Variants in SPAG16 observed in about 807,000 individuals in gnomAD.
SPAG16 encodes the protein sperm-associated antigen 16 protein.
SPAG16 carries 86 observed loss-of-function variants against 80.4 expected under a neutral mutation model. The ratio of observed to expected loss-of-function variants is 1.07; its 90% CI spans 0.90 to 1.28. SPAG16 has a LOEUF of 1.28. Ranked by LOEUF, SPAG16 falls within the 50% of genes most tolerant of loss-of-function variation. The pLI is 0.00. For synonymous variants in SPAG16, 294 were observed against 265.9 expected, an observed-to-expected ratio of 1.11 and a Z score of -1.03; for missense variants, 870 against 765.3, an observed-to-expected ratio of 1.14 and a Z score of -1.61.
intron 10 of SPAG16, among the ~76,000 whole-genome samples, chr2:213,649,595 G>T (rs1478544506): frequency 6.6e-6 from 1 of 151,778 alleles, no homozygotes; most frequent in East Asian, 1.9e-4. Context: ...TATTTATTTT[G>T]AGACAGGATC....
At chr2:213,366,170 A>G (rs1248321616) in intron 8 of SPAG16, among the ~76,000 whole-genome samples, 2 of 151,598 alleles carry the variant, frequency 1.3e-5, no homozygotes, top group Admixed American at 6.6e-5. Context: ...GAAGAAAGAT[A>G]AAAGATTAAA....
chr2:213,521,472 C>T (rs1259279205), intron 10 of SPAG16, among the ~76,000 whole-genome samples: 1 of 152,188 alleles, frequency 6.6e-6, no homozygotes, highest in African/African-American at 2.4e-5. Flanking sequence ...AGCCTATCTC[C>T]CCTGAGAGCT....
At chr2:214,230,303 C>T (rs185214239) in intron 15 of SPAG16, among the ~76,000 whole-genome samples, 1 of 151,950 alleles carries the variant, frequency 6.6e-6, no homozygotes, top group East Asian at 1.9e-4. Context: ...GAAAAGAGGA[C>T]TTTCTAACCC....
chr2:213,882,260 A>C (rs145028499), intron 11 of SPAG16, among the ~76,000 whole-genome samples: 7 of 152,066 alleles, frequency 4.6e-5, no homozygotes, highest in Admixed American at 4.6e-4. Context: ...TTTTGTGTCT[A>C]TATTCATCAG....
At chr2:213,886,580 A>G (rs13392718) in intron 11 of SPAG16, among the ~76,000 whole-genome samples, 90,312 of 151,878 alleles carry the variant, frequency 0.59, 28,752 homozygotes, top group South Asian at 0.85. Context: ...ACAAATGATG[A>G]ATTGAGATGC....
rs1344514001 is a variant in SPAG16 at position 214,149,205 on chromosome 2, A to G, written c.1659A>G (p.Leu553=). The G allele has an allele frequency of 1.9e-6, 3 of 1,599,726 alleles. No homozygotes were observed. The African/African-American group carries it at 4.0e-5, about 21-fold the overall frequency. Residue 553 remains leucine, a synonymous_variant, in exon 15 of 16, where the codon TTA becomes TTG. Coordinates refer to ENST00000331683, the MANE Select transcript of SPAG16 (RefSeq NM_024532.5). ...AGCTGTGGGACTTTCGGAAGCTGTT[A>G]CCAATTGTGTCCATCGATATAGGTC... ...VTKLWDFRKL[L]PIVSIDIGPS... is the part of the protein sequence containing the mutation.
intron 15 of SPAG16, among the ~76,000 whole-genome samples, chr2:214,295,801 A>G (rs1694091807): frequency 6.6e-6 from 1 of 152,082 alleles, no homozygotes. Context: ...AAAAAAAGGG[A>G]AAAGAAGGGA....
intron 10 of SPAG16, among the ~76,000 whole-genome samples, chr2:213,860,065 C>T (rs554893403): frequency 2.6e-5 from 4 of 151,924 alleles, no homozygotes; most frequent in South Asian, 2.1e-4. Context: ...AATTTCTGTA[C>T]GTGGGAAATA....
At chr2:213,435,714 G>T (rs1432685512) in intron 9 of SPAG16, among the ~76,000 whole-genome samples, 1 of 152,088 alleles carries the variant, frequency 6.6e-6, no homozygotes, top group Non-Finnish European at 1.5e-5. Flanking sequence ...TAAAATGACT[G>T]ATAAAAGACA....
chr2:214,150,595 C>T (rs1477504327), intron 15 of SPAG16, among the ~76,000 whole-genome samples: 1 of 152,060 alleles, frequency 6.6e-6, no homozygotes. Flanking sequence ...AAACATTTCA[C>T]ATCCTTAAAT....
At chr2:213,290,768 T>G (rs1314759463) in intron 1 of SPAG16, among the ~76,000 whole-genome samples, 1 of 152,220 alleles carries the variant, frequency 6.6e-6, no homozygotes, top group Non-Finnish European at 1.5e-5. Flanking sequence ...TCCGTGAAAG[T>G]AGAACCAGAG....
intron 9 of SPAG16, among the ~76,000 whole-genome samples, chr2:213,458,976 C>T (rs2072200835): frequency 6.6e-6 from 1 of 152,182 alleles, no homozygotes; most frequent in South Asian, 2.1e-4. Context: ...GGAAAATTCT[C>T]AGCCATTATC....
At chr2:213,927,782 CAG>C (rs1380036195) in intron 11 of SPAG16, among the ~76,000 whole-genome samples, 1 of 152,030 alleles carries the variant, frequency 6.6e-6, no homozygotes, top group Admixed American at 6.6e-5. Flanking sequence ...TTTTCAGCCA[CAG>C]GCAGAAACAT....
intron 15 of SPAG16, among the ~76,000 whole-genome samples, chr2:214,247,382 A>C (rs116079915): frequency 0.018 from 2,764 of 152,212 alleles, 56 homozygotes; most frequent in African/African-American, 0.043. Context: ...ATTAGTGTGG[A>C]TATCTAGAAT....
intron 10 of SPAG16, among the ~76,000 whole-genome samples, chr2:213,721,762 A>G (rs375435364): frequency 6.6e-6 from 1 of 152,014 alleles, no homozygotes; most frequent in Non-Finnish European, 1.5e-5. Context: ...ACTAATTACC[A>G]TAATGTTGAA....
chr2:213,974,652 A>G (rs144995073), intron 12 of SPAG16, among the ~76,000 whole-genome samples: 1 of 152,216 alleles, frequency 6.6e-6, no homozygotes, highest in African/African-American at 2.4e-5. Context: ...GTTAATTTAT[A>G]TATGCTTTCT....
At chr2:213,671,602 A>G (rs904729674) in intron 10 of SPAG16, among the ~76,000 whole-genome samples, 1 of 152,138 alleles carries the variant, frequency 6.6e-6, no homozygotes, top group Admixed American at 6.5e-5. Context: ...TCCAACTTCA[A>G]CTATTGCTCT....
At chr2:213,494,053 C>T (rs2125746287) in intron 10 of SPAG16, among the ~76,000 whole-genome samples, 1 of 152,294 alleles carries the variant, frequency 6.6e-6, no homozygotes, top group Admixed American at 6.5e-5. Flanking sequence ...ACCACTCCTG[C>T]TTTTCCTCTC....
chr2:214,304,754 C>T (rs541462911), intron 15 of SPAG16, among the ~76,000 whole-genome samples: 2 of 152,272 alleles, frequency 1.3e-5, no homozygotes, highest in South Asian at 4.1e-4. Flanking sequence ...ATATGTACCA[C>T]ATTTTCTTTA....
Sources: gnomAD v4.1 joint callset for allele counts (sites outside exome capture counted in the v4.1 genomes callset) on GRCh38, gnomAD v4.1.1 for gene constraint, MANE v1.5 for transcripts, NCBI Gene and HGNC (gene_info 2026-07-23, HGNC 2026-07-21) for gene names.